PHACTR1: variants seen among roughly 807,000 people sequenced by gnomAD.
PHACTR1 encodes the protein RPEL repeat containing 1.
A neutral mutation model predicts 69.2 loss-of-function variants in PHACTR1; 16 were observed. The ratio of observed to expected loss-of-function variants is 0.23; its 90% CI spans 0.16 to 0.35. PHACTR1 has a LOEUF of 0.35. PHACTR1 is among the 10% of genes least tolerant of loss of function. The probability of loss-of-function intolerance (pLI) is 1.00; values close to 1 mark genes in which losing one functional copy is unlikely to be tolerated. For missense variants in PHACTR1, 510 were observed against 734.7 expected, an observed-to-expected ratio of 0.69 and a Z score of 3.54; for synonymous variants, 312 against 284.5, an observed-to-expected ratio of 1.10 and a Z score of -0.97.
intron 5 of PHACTR1, among the ~76,000 whole-genome samples, chr6:13,123,847 C>T (rs1483869507): frequency 6.6e-6 from 1 of 152,188 alleles, no homozygotes; most frequent in Non-Finnish European, 1.5e-5. Context: ...TTTCAGGCTT[C>T]ACAGTGGTGT....
chr6:12,987,644 T>C (rs1796343367), intron 4 of PHACTR1, among the ~76,000 whole-genome samples: 1 of 152,016 alleles, frequency 6.6e-6, no homozygotes, highest in African/African-American at 2.4e-5. Flanking sequence ...CTTGAGCAAA[T>C]AAAGCTCATT....
chr6:13,056,737 A>G (rs1237655270), intron 5 of PHACTR1, among the ~76,000 whole-genome samples: 3 of 152,192 alleles, frequency 2.0e-5, no homozygotes, highest in Non-Finnish European at 4.4e-5. Flanking sequence ...GTGGAAAATT[A>G]CTAAAAGGAA....
intron 5 of PHACTR1, among the ~76,000 whole-genome samples, chr6:13,075,010 G>A (rs1810200066): frequency 6.6e-6 from 1 of 152,182 alleles, no homozygotes; most frequent in African/African-American, 2.4e-5. Context: ...TGATCATTGG[G>A]AAATAGAATT....
intron 4 of PHACTR1, among the ~76,000 whole-genome samples, chr6:12,798,222 AAG>A (rs1378748319): frequency 6.6e-6 from 1 of 152,166 alleles, no homozygotes; most frequent in East Asian, 1.9e-4. Flanking sequence ...GGAAGGAAGA[AAG>A]AAAAAGAAAG....
At chr6:13,220,866 A>T (rs1461327183) in intron 8 of PHACTR1, among the ~76,000 whole-genome samples, 4 of 152,226 alleles carry the variant, frequency 2.6e-5, no homozygotes, top group Non-Finnish European at 5.9e-5. Flanking sequence ...CATCAGTTCC[A>T]AACACATGTG....
chr6:12,743,760 T>C (rs1030839407), intron 3 of PHACTR1, among the ~76,000 whole-genome samples: 7 of 152,074 alleles, frequency 4.6e-5, no homozygotes, highest in Non-Finnish European at 8.8e-5. Flanking sequence ...GACAGAAAGT[T>C]AACAAGGATA....
chr6:13,281,711 T>C (rs1780287276), intron 12 of PHACTR1, among the ~76,000 whole-genome samples: 1 of 152,264 alleles, frequency 6.6e-6, no homozygotes, highest in Non-Finnish European at 1.5e-5. Context: ...ATTTTAATTA[T>C]AGCACAAAAT....
intron 5 of PHACTR1, among the ~76,000 whole-genome samples, chr6:13,085,277 A>C (rs149808306): frequency 6.6e-6 from 1 of 151,978 alleles, no homozygotes; most frequent in Non-Finnish European, 1.5e-5. Context: ...CCACTACTAA[A>C]TCTTTTTGAA....
chr6:12,912,967 C>A (rs1403571495), intron 4 of PHACTR1, among the ~76,000 whole-genome samples: 1 of 152,098 alleles, frequency 6.6e-6, no homozygotes, highest in Non-Finnish European at 1.5e-5. Flanking sequence ...AACAAACAAA[C>A]AAAAACCTGG....
At chr6:13,203,626 G>A (rs746477898) in intron 7 of PHACTR1, among the ~76,000 whole-genome samples, 4 of 152,148 alleles carry the variant, frequency 2.6e-5, no homozygotes, top group Non-Finnish European at 5.9e-5. Flanking sequence ...GCTTTTCAGG[G>A]GTGATTGTTT....
In PHACTR1 at chr6:13,219,341, G is replaced by T. The variant is rs567144571; in HGVS notation, c.987-8475G>T. ...CTCATCCTTGTGAGCTTACTCGTTA[G>T]TGGGAGCGACAGGTAATAAGCCTGT... On this transcript the variant is annotated intron_variant, in intron 8 of 14. Transcript: ENST00000332995. Among the ~76,000 whole-genome samples, 3 of 152,316 alleles carry T rather than the reference G, an allele frequency of 2.0e-5. No individual in the cohort carries two copies. In the East Asian group the frequency reaches 5.8e-4, roughly 29 times the overall value.
At chr6:13,280,750 G>A (rs1310895342) in intron 12 of PHACTR1, 2 of 341,888 alleles carry the variant, frequency 5.8e-6, no homozygotes, top group Non-Finnish European at 1.2e-5. Flanking sequence ...CAGGCGCAGT[G>A]GCTCACGCCT....
At chr6:12,930,227 T>C (rs1788718423) in intron 4 of PHACTR1, among the ~76,000 whole-genome samples, 1 of 152,022 alleles carries the variant, frequency 6.6e-6, no homozygotes, top group Non-Finnish European at 1.5e-5. Context: ...GGAATTATTG[T>C]GGAGACGGGG....
chr6:12,783,754 G>A (rs1047065222), intron 4 of PHACTR1, among the ~76,000 whole-genome samples: 2 of 152,188 alleles, frequency 1.3e-5, no homozygotes, highest in African/African-American at 4.8e-5. Flanking sequence ...TTAAGTGCAA[G>A]TAACTAGACA....
chr6:13,009,694 G>C (rs1388446033), intron 4 of PHACTR1, among the ~76,000 whole-genome samples: 1 of 152,060 alleles, frequency 6.6e-6, no homozygotes, highest in Non-Finnish European at 1.5e-5. Flanking sequence ...ATTCAGCCTT[G>C]GGGGATTTCA....
chr6:12,952,507 T>C (rs1179124589), intron 4 of PHACTR1, among the ~76,000 whole-genome samples: 1 of 152,238 alleles, frequency 6.6e-6, no homozygotes, highest in Non-Finnish European at 1.5e-5. Context: ...CTCTTTTCCA[T>C]GGAGGCATTA....
At chr6:12,993,209 C>T (rs1797021310) in intron 4 of PHACTR1, among the ~76,000 whole-genome samples, 1 of 152,240 alleles carries the variant, frequency 6.6e-6, no homozygotes, top group African/African-American at 2.4e-5. Flanking sequence ...TTACTGAGGA[C>T]TCTCTTACCC....
chr6:12,990,246 A>T (rs1263183216), intron 4 of PHACTR1, among the ~76,000 whole-genome samples: 1 of 152,102 alleles, frequency 6.6e-6, no homozygotes, highest in Non-Finnish European at 1.5e-5. Context: ...TCTTTTTGGG[A>T]TACTCTTCAA....
chr6:13,030,158 CT>C (rs1160276416), intron 4 of PHACTR1, among the ~76,000 whole-genome samples: 2 of 151,960 alleles, frequency 1.3e-5, no homozygotes, highest in Non-Finnish European at 2.9e-5. Flanking sequence ...GCCTTTTTTC[CT>C]TCTTTATTTT....
Sources: gnomAD v4.1 joint callset for allele counts (sites outside exome capture counted in the v4.1 genomes callset) on GRCh38, gnomAD v4.1.1 for gene constraint, MANE v1.5 for transcripts, NCBI Gene and HGNC (gene_info 2026-07-23, HGNC 2026-07-21) for gene names.